SLC16A7: variants seen among roughly 807,000 people sequenced by gnomAD.
SLC16A7 encodes the protein solute carrier family 16 member 7.
A neutral mutation model predicts 34.9 loss-of-function variants in SLC16A7; 33 were observed. The observed-to-expected ratio is 0.94, with a 90% CI of 0.72 to 1.26. The LOEUF is 1.26. Among genes scored for constraint, SLC16A7 ranks in the 50% most tolerant of loss-of-function variants. The pLI, the probability that SLC16A7 is intolerant of heterozygous loss-of-function variation, is 0.00. For missense variants in SLC16A7, 573 were observed against 578.1 expected (o/e 0.99, Z 0.09); for synonymous variants, 201 against 206.6 (o/e 0.97, Z 0.23).
At chr12:59,641,557 A>G (rs1880686687) in intron 1 of SLC16A7, among the ~76,000 whole-genome samples, 1 of 151,084 alleles carries the variant, frequency 6.6e-6, no homozygotes, top group Non-Finnish European at 1.5e-5. Context: ...TTCTAGGGCT[A>G]TTTTTTTTTA....
At position 59,782,307 on chromosome 12, in the gene SLC16A7, C is replaced by T. The variant is rs1053875569; in HGVS notation, c.*2628C>T. The T allele has an allele frequency of 1.3e-5, 2 of 152,164 alleles. No homozygotes were observed. The highest frequency in any genetic ancestry group is 4.8e-5 in the African/African-American group (2 of 41,432). 9.4% of individuals were successfully genotyped at this position (152,164 alleles called of 1,614,324 possible). A position where few individuals can be genotyped will look rare whatever the true frequency, so the allele number is the denominator to read the frequency against. On this transcript the variant is annotated 3_prime_UTR_variant, in exon 6 of 6. Coordinates refer to ENST00000547379, the MANE Select transcript of SLC16A7 (RefSeq NM_001270623.2). Reference sequence around the variant, plus strand: ...AAATTATTCTACTTGTTCACTCTCCCCACCCTCTTGAACTTGTTAGAAGAT... The same window carrying T: ...AAATTATTCTACTTGTTCACTCTCCTCACCCTCTTGAACTTGTTAGAAGAT...
intron 3 of SLC16A7, among the ~76,000 whole-genome samples, chr12:59,767,815 G>A (rs955929847): frequency 6.6e-6 from 1 of 151,846 alleles, no homozygotes; most frequent in Non-Finnish European, 1.5e-5. Flanking sequence ...GTCATTTCAA[G>A]TTTCAATTTC....
At chr12:59,720,637 C>G (rs1875466233) in intron 3 of SLC16A7, among the ~76,000 whole-genome samples, 1 of 152,026 alleles carries the variant, frequency 6.6e-6, no homozygotes, top group Non-Finnish European at 1.5e-5. Flanking sequence ...ATCTCCTCCC[C>G]ACTCCTTGTC....
chr12:59,755,830 G>C lies in SLC16A7; in HGVS notation c.218-15389G>C, dbSNP rs187076640. Among the ~76,000 whole-genome samples, 1,250 of 152,248 alleles carry C rather than the reference G, an allele frequency of 8.2e-3. 16 individuals are homozygous for C. Among genetic ancestry groups the C allele is most frequent in the Non-Finnish European group, 8.7e-3 (591 of 68,012 alleles). Reference sequence around the variant, plus strand: ...CCTAAGCCAAAAGAACAAAGCTGGAGGCATCACGCTACCTGACTTCAAACT... The same window carrying C: ...CCTAAGCCAAAAGAACAAAGCTGGACGCATCACGCTACCTGACTTCAAACT... On this transcript the variant is annotated intron_variant, in intron 3 of 5. Transcript: ENST00000547379.
intron 2 of SLC16A7, among the ~76,000 whole-genome samples, chr12:59,676,044 A>G (rs1202885673): frequency 6.6e-6 from 1 of 152,144 alleles, no homozygotes; most frequent in Non-Finnish European, 1.5e-5. Flanking sequence ...CAAGAAATTT[A>G]TGAGGGTAAC....
At chr12:59,699,157 A>T (rs1872615532) in intron 2 of SLC16A7, among the ~76,000 whole-genome samples, 1 of 151,546 alleles carries the variant, frequency 6.6e-6, no homozygotes, top group African/African-American at 2.4e-5. Context: ...CAAATGATAA[A>T]TAGTTATTGA....
intron 5 of SLC16A7, among the ~76,000 whole-genome samples, chr12:59,775,737 T>C (rs1268242892): frequency 1.3e-5 from 2 of 152,136 alleles, no homozygotes; most frequent in African/African-American, 4.8e-5. Flanking sequence ...TTCAGGATTT[T>C]TATCTACTTC....
intron 3 of SLC16A7, among the ~76,000 whole-genome samples, chr12:59,724,418 A>G (rs180784688): frequency 8.3e-4 from 127 of 152,190 alleles, no homozygotes; most frequent in Admixed American, 2.3e-3. Context: ...GTCAATATAG[A>G]TAATAAAAAA....
rs560558006 is a variant in SLC16A7 at position 59,723,090 on chromosome 12, A to AT, written c.217+18080dup. Reference sequence around the variant, plus strand: ...GAATATAAATATCATGAGAGCAGAGATTTTTTTTCCTTCTGCTTTGTTCAT... The same window carrying AT: ...GAATATAAATATCATGAGAGCAGAGATTTTTTTTTCCTTCTGCTTTGTTCAT... On this transcript the variant is annotated intron_variant, in intron 3 of 5. Coordinates refer to ENST00000547379, the MANE Select transcript of SLC16A7 (RefSeq NM_001270623.2). 4.1e-3 allele frequency among the ~76,000 whole-genome samples: 625 copies of AT among 151,870 alleles called. 3 individuals carry two copies. The highest frequency in any genetic ancestry group is 0.014 in the African/African-American group (584 of 41,444).
In SLC16A7 at chr12:59,664,403, G is replaced by C. The variant is rs559193081; in HGVS notation, c.-31+9153G>C. 2.2e-4 allele frequency among the ~76,000 whole-genome samples: 33 copies of C among 152,198 alleles called. No homozygotes were observed. In the East Asian group the frequency reaches 6.2e-3, roughly 29 times the overall value. On this transcript the variant is annotated intron_variant, in intron 2 of 5. Coordinates refer to ENST00000547379, the MANE Select transcript of SLC16A7 (RefSeq NM_001270623.2). ...TTTACAGAGTGGCTGACCATGTAGGGAGTGTTATGTGTGATCAAGAAATAG... is the reference window on the plus strand; with the variant it reads ...TTTACAGAGTGGCTGACCATGTAGGCAGTGTTATGTGTGATCAAGAAATAG...
chr12:59,650,549 G>A (rs76496237), intron 1 of SLC16A7, among the ~76,000 whole-genome samples: 1,848 of 152,254 alleles, frequency 0.012, 40 homozygotes, highest in African/African-American at 0.042. Context: ...TTATCAAAGA[G>A]TGATTGAGAG....
Position 59,736,733 on chromosome 12 carries a change from C to A in SLC16A7, c.217+31715C>A, listed in dbSNP as rs913606187. Among the ~76,000 whole-genome samples the A allele has an allele frequency of 9.8e-5, 15 of 152,286 alleles. No homozygotes were observed. In the East Asian group the frequency reaches 1.9e-3, roughly 20 times the overall value. ...AAGACCTCATCTTAATTATTTAGTT[C>A]TTCATCTCTTTCTAGCCTTTGTTAC... On this transcript the variant is annotated intron_variant, in intron 3 of 5. Coordinates refer to ENST00000547379, the MANE Select transcript of SLC16A7 (RefSeq NM_001270623.2).
intron 1 of SLC16A7, among the ~76,000 whole-genome samples, chr12:59,639,240 A>G (rs1272272302): frequency 2.0e-5 from 3 of 152,128 alleles, no homozygotes; most frequent in African/African-American, 7.2e-5. Flanking sequence ...CAATGTTTTT[A>G]CAGATATTAC....
intron 2 of SLC16A7, among the ~76,000 whole-genome samples, chr12:59,700,643 C>T (rs547174685): frequency 6.6e-6 from 1 of 151,228 alleles, no homozygotes; most frequent in South Asian, 2.1e-4. Context: ...TATACATATA[C>T]ACACGTACAT....
intron 1 of SLC16A7, among the ~76,000 whole-genome samples, chr12:59,617,556 C>T (rs1422532262): frequency 6.6e-6 from 1 of 151,958 alleles, no homozygotes; most frequent in Non-Finnish European, 1.5e-5. Context: ...ATTTTATTCT[C>T]ACAGTTCTAA....
chr12:59,681,815 G>A lies in SLC16A7; in HGVS notation c.-30-22957G>A, dbSNP rs948739296. On this transcript the variant is annotated intron_variant, in intron 2 of 5. Coordinates refer to ENST00000547379, the MANE Select transcript of SLC16A7 (RefSeq NM_001270623.2). ...GCTGTGGGCATATAGGGAATCAACA[G>A]CATTCAGGTCATTTTTTCTTAGGCC... 3.3e-5 allele frequency among the ~76,000 whole-genome samples: 5 copies of A among 152,158 alleles called. No individual in the cohort carries two copies. In the East Asian group the frequency reaches 9.7e-4, roughly 29 times the overall value.
chr12:59,752,013 C>G (rs1053573541), intron 3 of SLC16A7, among the ~76,000 whole-genome samples: 3 of 152,188 alleles, frequency 2.0e-5, no homozygotes, highest in African/African-American at 7.2e-5. Context: ...GAGTGGACCT[C>G]TAGCAAACTC....
At chr12:59,611,718 A>C (rs1030571530) in intron 1 of SLC16A7, among the ~76,000 whole-genome samples, 1 of 152,202 alleles carries the variant, frequency 6.6e-6, no homozygotes, top group Non-Finnish European at 1.5e-5. Flanking sequence ...AATAGATACA[A>C]TAGGGTAAAC....
intron 2 of SLC16A7, among the ~76,000 whole-genome samples, chr12:59,679,344 C>G (rs1157216453): frequency 6.6e-6 from 1 of 152,220 alleles, no homozygotes; most frequent in African/African-American, 2.4e-5. Flanking sequence ...ACCCCTCCCA[C>G]TGCAGCTGGC....
Sources: gnomAD v4.1 joint callset for allele counts (sites outside exome capture counted in the v4.1 genomes callset) on GRCh38, gnomAD v4.1.1 for gene constraint, MANE v1.5 for transcripts, NCBI Gene and HGNC (gene_info 2026-07-23, HGNC 2026-07-21) for gene names.